Variants in DNAH8 observed in about 807,000 individuals in gnomAD.
The protein encoded by DNAH8 is dynein axonemal heavy chain 8.
Under a neutral mutation model 562.1 loss-of-function variants are expected in DNAH8, and 382 were observed. That is an observed-to-expected ratio of 0.68 (90% CI 0.63 to 0.74). DNAH8 has a LOEUF of 0.74. Ranked by LOEUF, DNAH8 falls within the 30% of genes least tolerant of loss-of-function variation. The pLI, the probability that DNAH8 is intolerant of heterozygous loss-of-function variation, is 0.00. For missense variants in DNAH8, 5,203 were observed against 5,620.4 expected, an observed-to-expected ratio of 0.93 and a Z score of 2.37; for synonymous variants, 1,881 against 1,919.4, an observed-to-expected ratio of 0.98 and a Z score of 0.52.
chr6:38,755,465 A>G (rs578253750), intron 9 of DNAH8, among the ~76,000 whole-genome samples: 3 of 152,124 alleles, frequency 2.0e-5, no homozygotes, highest in East Asian at 1.9e-4. Context: ...ATTTCTTCCA[A>G]TATCTTCAGA....
intron 88 of DNAH8, among the ~76,000 whole-genome samples, chr6:39,005,507 A>G (rs946867577): frequency 6.6e-6 from 1 of 152,202 alleles, no homozygotes; most frequent in Admixed American, 6.5e-5. Context: ...ATTTGTTATT[A>G]TGTGTCTTGT....
intron 25 of DNAH8, among the ~76,000 whole-genome samples, chr6:38,815,151 C>T (rs1353984562): frequency 6.6e-6 from 1 of 152,160 alleles, no homozygotes; most frequent in Non-Finnish European, 1.5e-5. Context: ...CATTCTGCCA[C>T]CCTCATGGGG....
chr6:38,735,851 ATC>A (rs1764043425), intron 5 of DNAH8, among the ~76,000 whole-genome samples: 1 of 152,180 alleles, frequency 6.6e-6, no homozygotes, highest in South Asian at 2.1e-4. Flanking sequence ...TTTAGACATT[ATC>A]TGTGGCCAGT....
At chr6:38,873,825 A>G (rs972897990) in intron 52 of DNAH8, among the ~76,000 whole-genome samples, 1 of 120,898 alleles carries the variant, frequency 8.3e-6, no homozygotes, top group Admixed American at 9.4e-5. Flanking sequence ...TAAATAAATA[A>G]GTAAATAAAA....
chr6:38,845,293 C>T (rs1353029365), intron 35 of DNAH8, among the ~76,000 whole-genome samples: 2 of 152,050 alleles, frequency 1.3e-5, no homozygotes, highest in African/African-American at 2.4e-5. Flanking sequence ...GCCAAAAGTT[C>T]GAATTGAAAA....
intron 80 of DNAH8, among the ~76,000 whole-genome samples, chr6:38,947,160 T>C (rs1761500119): frequency 6.6e-6 from 1 of 152,180 alleles, no homozygotes; most frequent in African/African-American, 2.4e-5. Flanking sequence ...AAGCTCATGC[T>C]CTTCCCATGC....
chr6:38,788,300 T>C (rs1424919930), intron 18 of DNAH8, among the ~76,000 whole-genome samples: 1 of 152,074 alleles, frequency 6.6e-6, no homozygotes, highest in Non-Finnish European at 1.5e-5. Context: ...TACAGGTGTG[T>C]GCCACCATGC....
intron 74 of DNAH8, chr6:38,929,294 A>G: frequency 2.6e-6 from 1 of 381,672 alleles, no homozygotes; most frequent in Non-Finnish European, 4.7e-6. Flanking sequence ...TCTTTTGATC[A>G]TAGAGACCCC....
chr6:38,806,503 C>A (rs141855402), intron 23 of DNAH8, among the ~76,000 whole-genome samples: 1 of 152,234 alleles, frequency 6.6e-6, no homozygotes, highest in East Asian at 1.9e-4. Context: ...GTTGCATTAC[C>A]TTTTGACACT....
intron 29 of DNAH8, among the ~76,000 whole-genome samples, chr6:38,826,839 G>A (rs775920466): frequency 2.0e-5 from 3 of 152,126 alleles, no homozygotes; most frequent in Non-Finnish European, 4.4e-5. Flanking sequence ...GTAAACTGTT[G>A]GAACTTACAT....
chr6:38,726,309 A>G (rs1763214231), intron 3 of DNAH8, among the ~76,000 whole-genome samples: 1 of 151,914 alleles, frequency 6.6e-6, no homozygotes, highest in Non-Finnish European at 1.5e-5. Context: ...TGTGGGGGGG[A>G]GATGGGCATC....
chr6:38,968,219 T>C (rs1248613739), intron 82 of DNAH8, among the ~76,000 whole-genome samples: 1 of 152,148 alleles, frequency 6.6e-6, no homozygotes, highest in East Asian at 1.9e-4. Flanking sequence ...AGTAAATCTT[T>C]GAGGCCGTGG....
At chr6:38,929,050 C>A (rs187404015) in intron 74 of DNAH8, among the ~76,000 whole-genome samples, 38 of 152,282 alleles carry the variant, frequency 2.5e-4, no homozygotes, top group African/African-American at 8.9e-4. Flanking sequence ...CATGGATAGA[C>A]CCTCAGTGCG....
intron 78 of DNAH8, 44 bp from the exon 79 acceptor site, chr6:38,938,754 A>C: frequency 1.4e-6 from 2 of 1,449,526 alleles, no homozygotes; most frequent in Non-Finnish European, 1.9e-6. Flanking sequence ...TTTTTAAAAA[A>C]AGAAATTGCC....
chr6:38,862,232 A>G, intron 43 of DNAH8, 48 bp from the exon 44 acceptor site: 2 of 1,550,938 alleles, frequency 1.3e-6, no homozygotes, highest in Non-Finnish European at 1.8e-6. Context: ...GCCATCCTGT[A>G]ACGTGTCATC....
At chr6:38,797,251 G>A (rs368548942) in intron 21 of DNAH8, among the ~76,000 whole-genome samples, 2 of 152,030 alleles carry the variant, frequency 1.3e-5, no homozygotes, top group Non-Finnish European at 2.9e-5. Context: ...AAAATTAGTC[G>A]GGGGGCGGTG....
At chr6:38,920,152 C>T (rs1371404951) in intron 70 of DNAH8, among the ~76,000 whole-genome samples, 2 of 152,026 alleles carry the variant, frequency 1.3e-5, no homozygotes, top group Admixed American at 1.3e-4. Context: ...TTCATTCTGG[C>T]CCCCAGGCTG....
intron 31 of DNAH8, among the ~76,000 whole-genome samples, chr6:38,834,142 T>A (rs1396945739): frequency 6.6e-6 from 1 of 152,244 alleles, no homozygotes; most frequent in East Asian, 1.9e-4. Context: ...CAGAACTCTG[T>A]ATCAGTTATT....
chr6:38,833,758 T>G (rs1226517159), intron 31 of DNAH8, among the ~76,000 whole-genome samples: 2 of 152,138 alleles, frequency 1.3e-5, no homozygotes, highest in Non-Finnish European at 2.9e-5. Context: ...TAGTTGGGAG[T>G]TTCCCAATTT....
Sources: gnomAD v4.1 joint callset for allele counts (sites outside exome capture counted in the v4.1 genomes callset) on GRCh38, gnomAD v4.1.1 for gene constraint, MANE v1.5 for transcripts, NCBI Gene and HGNC (gene_info 2026-07-23, HGNC 2026-07-21) for gene names.